TOM1L1: variants seen among roughly 807,000 people sequenced by gnomAD.
The protein encoded by TOM1L1 is target of myb1 like 1 membrane trafficking protein, also known as TOM1-like protein 1.
In TOM1L1, 64 loss-of-function variants were observed where a neutral mutation model predicts 63.4. The ratio of observed to expected loss-of-function variants is 1.01; its 90% CI spans 0.83 to 1.24. The LOEUF (loss-of-function observed/expected upper bound fraction) is 1.24, where lower values mean the gene tolerates loss of function less well. Among genes scored for constraint, TOM1L1 ranks in the 50% most tolerant of loss-of-function variants. The pLI, the probability that TOM1L1 is intolerant of heterozygous loss-of-function variation, is 0.00. For missense variants in TOM1L1, 536 were observed against 567.0 expected, an observed-to-expected ratio of 0.95 and a Z score of 0.55; for synonymous variants, 166 against 194.4, an observed-to-expected ratio of 0.85 and a Z score of 1.22.
intron 9 of TOM1L1, 127 bp from the exon 10 acceptor site, chr17:54,936,982 C>G (rs940199461): frequency 4.9e-6 from 4 of 814,338 alleles, no homozygotes; most frequent in South Asian, 3.3e-5. Context: ...TAATGTTGCT[C>G]GTTGAGTGGA....
chr17:54,934,205 G>C (rs1419218870), intron 8 of TOM1L1, among the ~76,000 whole-genome samples: 1 of 152,186 alleles, frequency 6.6e-6, no homozygotes, highest in Non-Finnish European at 1.5e-5. Flanking sequence ...TAAAGATCTT[G>C]AGGCCCACAA....
At chr17:54,932,710 C>CG (rs1461211676) in intron 8 of TOM1L1, among the ~76,000 whole-genome samples, 1 of 152,114 alleles carries the variant, frequency 6.6e-6, no homozygotes, top group African/African-American at 2.4e-5. Context: ...CGTGAGCCAC[C>CG]GCGCCTGGCC....
At chr17:54,906,941 C>T (rs2048421650) in intron 3 of TOM1L1, among the ~76,000 whole-genome samples, 1 of 152,216 alleles carries the variant, frequency 6.6e-6, no homozygotes, top group Non-Finnish European at 1.5e-5. Flanking sequence ...CAACATCACG[C>T]TGCGTTAGGA....
chr17:54,905,063 C>A (rs73319556), intron 2 of TOM1L1, among the ~76,000 whole-genome samples: 1 of 152,068 alleles, frequency 6.6e-6, no homozygotes, highest in African/African-American at 2.4e-5. Context: ...TGGCAGCTGA[C>A]CTAGTTTGTT....
chr17:54,912,187 C>A (rs2143767737), intron 3 of TOM1L1, among the ~76,000 whole-genome samples: 1 of 152,304 alleles, frequency 6.6e-6, no homozygotes, highest in South Asian at 2.1e-4. Context: ...TGTAAGACCA[C>A]CTAGCCCTAA....
chr17:54,959,499 T>A (rs2077054412), intron 14 of TOM1L1: 1 of 151,460 alleles, frequency 6.6e-6, no homozygotes. Flanking sequence ...GAAAAACGAA[T>A]GAAGGATGTC....
intron 4 of TOM1L1, among the ~76,000 whole-genome samples, chr17:54,913,502 A>C (rs988066655): frequency 1.3e-5 from 2 of 151,890 alleles, no homozygotes; most frequent in African/African-American, 2.4e-5. Context: ...CGTCTCTACT[A>C]AAAAATACAA....
intron 7 of TOM1L1, 52 bp downstream of exon 7, chr17:54,915,914 T>C (rs1468038338): frequency 7.0e-7 from 1 of 1,429,738 alleles, no homozygotes; most frequent in South Asian, 1.2e-5. Context: ...AAAGTTATTC[T>C]CTAAACTTTG....
In TOM1L1 at chr17:54,949,597, T is replaced by C. The variant is rs536580241; in HGVS notation, c.1262T>C (p.Leu421Pro). The stretch of plus-strand genomic sequence containing the variant: ...GCAGCAGCACCATCAAACCAGAGTC[T>C]GCCACCTTTGCCCAGCAATCATCCA... ...TIAAAPSNQS[L>P]PPLPSNHPAM... The change falls in exon 13 of 16, where the codon CTG (leucine) becomes CCG (proline). Residue 421 changes from leucine to proline, a missense_variant. Physicochemically the swap from Leu to Pro is moderately conservative, Grantham distance 98 (BLOSUM62 -3). Coordinates refer to ENST00000575882, the MANE Select transcript of TOM1L1 (RefSeq NM_005486.3). The C allele has an allele frequency of 6.2e-7, 1 of 1,606,434 alleles. No individual in the cohort carries two copies. The highest frequency in any genetic ancestry group is 1.2e-5 in the South Asian group (1 of 84,152).
intron 11 of TOM1L1, among the ~76,000 whole-genome samples, chr17:54,940,541 G>A (rs1326880202): frequency 1.3e-5 from 2 of 152,094 alleles, no homozygotes; most frequent in Non-Finnish European, 2.9e-5. Flanking sequence ...ACAACATTTT[G>A]GGCAATAGCA....
chr17:54,941,965 A>G (rs1026845799), intron 11 of TOM1L1, among the ~76,000 whole-genome samples: 2 of 152,226 alleles, frequency 1.3e-5, no homozygotes, highest in African/African-American at 4.8e-5. Flanking sequence ...AAAATGTCTT[A>G]TAATGTTGAG....
At chr17:54,914,929 T>G (rs1268164757) in intron 6 of TOM1L1, among the ~76,000 whole-genome samples, 186 bp downstream of exon 6, 2 of 152,210 alleles carry the variant, frequency 1.3e-5, no homozygotes, top group African/African-American at 4.8e-5. Context: ...AGTAATCCCA[T>G]GGGTTCTGTC....
At position 54,912,178 on chromosome 17, in the gene TOM1L1, G is replaced by C. The variant is rs530586141; in HGVS notation, c.223-488G>C. ...CCAGTTAGCCTTTTCCAAAAGTCTT[G>C]TAAGACCACCTAGCCCTAAATAATC... On this transcript the variant is annotated intron_variant, in intron 3 of 15. Transcript: ENST00000575882. Among the ~76,000 whole-genome samples the C allele has an allele frequency of 1.5e-3, 234 of 152,160 alleles. 1 individual carries two copies. The highest frequency in any genetic ancestry group is 2.8e-3 in the Non-Finnish European group (193 of 67,996).
At chr17:54,952,306 C>T (rs981826716) in intron 14 of TOM1L1, 3 of 152,108 alleles carry the variant, frequency 2.0e-5, no homozygotes, top group African/African-American at 7.2e-5. Context: ...GTAATCCCAG[C>T]ACTTTGCGAG....
intron 11 of TOM1L1, among the ~76,000 whole-genome samples, 174 bp downstream of exon 11, chr17:54,939,194 C>T (rs2143907925): frequency 6.6e-6 from 1 of 152,286 alleles, no homozygotes; most frequent in South Asian, 2.1e-4. Context: ...GGCAACATGG[C>T]AAAACCTCAT....
intron 11 of TOM1L1, among the ~76,000 whole-genome samples, chr17:54,946,875 ACATT>A (rs1277352726): frequency 6.6e-6 from 1 of 152,336 alleles, no homozygotes; most frequent in African/African-American, 2.4e-5. Flanking sequence ...CCTTTAAGTG[ACATT>A]CAGTGGAGAG....
At chr17:54,947,347 A>C (rs1410619072) in intron 12 of TOM1L1, 35 bp downstream of exon 12, 1 of 1,600,608 alleles carries the variant, frequency 6.2e-7, no homozygotes. Flanking sequence ...CAGTGCATCT[A>C]GTCAGCAGAT....
chr17:54,911,193 C>A (rs1227740973), intron 3 of TOM1L1, among the ~76,000 whole-genome samples: 1 of 152,158 alleles, frequency 6.6e-6, no homozygotes. Flanking sequence ...CTGTATAACA[C>A]CCCATCCTCC....
intron 3 of TOM1L1, among the ~76,000 whole-genome samples, chr17:54,906,624 TTC>T (rs142692104): frequency 0.017 from 2,564 of 152,348 alleles, 27 homozygotes; most frequent in Middle Eastern, 0.051. Context: ...GCTCATTAAA[TTC>T]CAAACAAGTT....
Sources: allele counts gnomAD v4.1 joint callset (sites outside exome capture counted in the v4.1 genomes callset), GRCh38; gene constraint gnomAD v4.1.1; transcripts MANE v1.5; gene names NCBI Gene and HGNC (gene_info 2026-07-23, HGNC 2026-07-21).